The following FAM227B variants were observed in gnomAD, a reference collection of about 807,000 sequenced individuals.
FAM227B encodes family with sequence similarity 227 member B, also known as protein FAM227B.
In FAM227B, 88 loss-of-function variants were observed where a neutral mutation model predicts 73.8. That is an observed-to-expected ratio of 1.19 (90% CI 1.00 to 1.42). The LOEUF is 1.42. Among genes scored for constraint, FAM227B ranks in the 40% most tolerant of loss-of-function variants. FAM227B has a pLI of 0.00. For synonymous variants in FAM227B, 210 were observed against 190.5 expected, an observed-to-expected ratio of 1.10 and a Z score of -0.84; for missense variants, 632 against 590.9, an observed-to-expected ratio of 1.07 and a Z score of -0.72.
At chr15:49,410,352 A>T (rs1312188731) in intron 11 of FAM227B, among the ~76,000 whole-genome samples, 1 of 152,188 alleles carries the variant, frequency 6.6e-6, no homozygotes, top group African/African-American at 2.4e-5. Flanking sequence ...CTGCCTCTGA[A>T]TACTATATCC....
chr15:49,534,378 T>C (rs922416672), intron 10 of FAM227B, among the ~76,000 whole-genome samples: 4 of 151,732 alleles, frequency 2.6e-5, no homozygotes, highest in Admixed American at 2.6e-4. Flanking sequence ...AAGGGACAAA[T>C]AACATTATTT....
chr15:49,366,835 C>CT (rs1016158565), intron 13 of FAM227B: 1 of 543,112 alleles, frequency 1.8e-6, no homozygotes, highest in Non-Finnish European at 3.2e-6. Context: ...AGCCCACACT[C>CT]TAATTTAGTG....
intron 13 of FAM227B, among the ~76,000 whole-genome samples, chr15:49,350,878 C>T (rs953897523): frequency 7.2e-5 from 11 of 152,162 alleles, no homozygotes; most frequent in African/African-American, 2.4e-5. Flanking sequence ...AAAGGAGAGA[C>T]TGCTGATAGG....
At chr15:49,566,245 A>G (rs2074647551) in intron 9 of FAM227B, among the ~76,000 whole-genome samples, 1 of 147,024 alleles carries the variant, frequency 6.8e-6, no homozygotes, top group South Asian at 2.2e-4. Context: ...GACATATTTA[A>G]TTTTATTAAA....
Position 49,366,733 on chromosome 15 carries a change from G to A in FAM227B, c.1271+715C>T, listed in dbSNP as rs2045272494. The A allele has an allele frequency of 3.1e-6, 3 of 968,458 alleles. 1 individual carries two copies. In the South Asian group the frequency reaches 4.1e-5, roughly 13 times the overall value. The allele number at this position is 968,458 out of a possible 1,614,324, so 60.0% of individuals were successfully genotyped here. A position where few individuals can be genotyped will look rare whatever the true frequency, so the allele number is the denominator to read the frequency against. The stretch of plus-strand genomic sequence containing the variant: ...GTGGCGCGGCGCGGCTCACTAGGTG[G>A]GGTAGGCTGGGAGTCCCGCCACTGC... On this transcript the variant is annotated intron_variant, in intron 13 of 15. Coordinates refer to ENST00000299338, the MANE Select transcript of FAM227B (RefSeq NM_152647.3).
At chr15:49,415,064 C>T (rs2049121126) in intron 11 of FAM227B, among the ~76,000 whole-genome samples, 1 of 152,124 alleles carries the variant, frequency 6.6e-6, no homozygotes, top group South Asian at 2.1e-4. Context: ...ATCATAATTA[C>T]TTTTACTCTG....
At chr15:49,559,919 G>A (rs1232718156) in intron 9 of FAM227B, among the ~76,000 whole-genome samples, 2 of 150,862 alleles carry the variant, frequency 1.3e-5, no homozygotes, top group Admixed American at 6.6e-5. Flanking sequence ...CTGGGTGACA[G>A]AGCGAGACTC....
At position 49,445,309 on chromosome 15, in the gene FAM227B, G is replaced by A. The variant is rs546910328; in HGVS notation, c.1012+62902C>T. Among the ~76,000 whole-genome samples, 139 of 151,512 alleles carry A rather than the reference G, an allele frequency of 9.2e-4. 5 individuals are homozygous for A. In the South Asian group the frequency reaches 0.027, roughly 30 times the overall value. On this transcript the variant is annotated intron_variant, in intron 11 of 15. Transcript: ENST00000299338. ...CTAGTAGTTCCCAGTTTGTATTGTT[G>A]CCATTTTTAAGTCCATGAGTATTCA...
chr15:49,393,829 G>A (rs1289100548), intron 11 of FAM227B, among the ~76,000 whole-genome samples: 1 of 151,984 alleles, frequency 6.6e-6, no homozygotes, highest in Non-Finnish European at 1.5e-5. Context: ...ATTTATGGAG[G>A]GCTTGAATTA....
intron 11 of FAM227B, among the ~76,000 whole-genome samples, chr15:49,374,077 T>C (rs1177807519): frequency 6.6e-6 from 1 of 152,168 alleles, no homozygotes; most frequent in Non-Finnish European, 1.5e-5. Flanking sequence ...TTTGGGTAAC[T>C]GGTTTTTCCA....
chr15:49,461,022 C>G (rs769481047), intron 11 of FAM227B, among the ~76,000 whole-genome samples: 5 of 152,128 alleles, frequency 3.3e-5, no homozygotes, highest in Non-Finnish European at 5.9e-5. Context: ...GTGGGGCCAG[C>G]CTTCCCCTGA....
intron 9 of FAM227B, among the ~76,000 whole-genome samples, chr15:49,553,563 G>A (rs2073293815): frequency 1.3e-5 from 2 of 152,176 alleles, no homozygotes; most frequent in South Asian, 4.1e-4. Context: ...CTGCCTGGGA[G>A]CCAGAGACTA....
At chr15:49,497,496 A>C (rs1240728810) in intron 11 of FAM227B, among the ~76,000 whole-genome samples, 2 of 152,200 alleles carry the variant, frequency 1.3e-5, no homozygotes, top group South Asian at 4.1e-4. Context: ...CTCTGCCATC[A>C]AGGACAAAAT....
chr15:49,529,964 G>C (rs527654848), intron 10 of FAM227B, among the ~76,000 whole-genome samples: 1 of 151,664 alleles, frequency 6.6e-6, no homozygotes, highest in African/African-American at 2.4e-5. Context: ...TTATTGCTGA[G>C]TAGTTTTCCA....
intron 8 of FAM227B, among the ~76,000 whole-genome samples, chr15:49,573,928 T>C (rs2075283925): frequency 6.6e-6 from 1 of 152,224 alleles, no homozygotes; most frequent in Non-Finnish European, 1.5e-5. Context: ...ATTAAGTTTT[T>C]ATTAAATGTG....
chr15:49,592,490 C>T (rs1003117471), intron 3 of FAM227B, among the ~76,000 whole-genome samples: 3 of 152,170 alleles, frequency 2.0e-5, no homozygotes, highest in Non-Finnish European at 2.9e-5. Flanking sequence ...TGGGTATCAC[C>T]AGCGGAGGCT....
At chr15:49,384,637 C>A (rs940837048) in intron 11 of FAM227B, among the ~76,000 whole-genome samples, 1 of 151,906 alleles carries the variant, frequency 6.6e-6, no homozygotes, top group African/African-American at 2.4e-5. Context: ...TCATATTATA[C>A]CAGATTGGCA....
intron 11 of FAM227B, among the ~76,000 whole-genome samples, chr15:49,464,771 C>T (rs898838506): frequency 1.3e-5 from 2 of 152,190 alleles, no homozygotes; most frequent in South Asian, 2.1e-4. Context: ...ATAGTATCTC[C>T]GTGTAAACAG....
At chr15:49,345,623 T>C (rs1417941027) in intron 13 of FAM227B, among the ~76,000 whole-genome samples, 1 of 152,222 alleles carries the variant, frequency 6.6e-6, no homozygotes, top group Non-Finnish European at 1.5e-5. Flanking sequence ...TGAATTGGCC[T>C]CATACTTTAT....
Sources: allele counts gnomAD v4.1 joint callset (sites outside exome capture counted in the v4.1 genomes callset), GRCh38; gene constraint gnomAD v4.1.1; transcripts MANE v1.5; gene names NCBI Gene and HGNC (gene_info 2026-07-23, HGNC 2026-07-21).